AP3S1: variants seen among roughly 807,000 people sequenced by gnomAD.
AP3S1 encodes adaptor related protein complex 3 subunit sigma 1.
Under a neutral mutation model 21.3 loss-of-function variants are expected in AP3S1, and 12 were observed. The observed-to-expected ratio is 0.56, with a 90% CI of 0.36 to 0.91. AP3S1 has a LOEUF of 0.91. Ranked by LOEUF, AP3S1 falls within the 40% of genes least tolerant of loss-of-function variation. The pLI is 0.01. For synonymous variants in AP3S1, 48 were observed against 78.4 expected (o/e 0.61, Z 2.05); for missense variants, 116 against 225.0 (o/e 0.52, Z 3.10).
chr5:115,863,226 G>A (rs758614401), intron 1 of AP3S1, among the ~76,000 whole-genome samples: 11 of 151,922 alleles, frequency 7.2e-5, no homozygotes, highest in East Asian at 1.9e-4. Context: ...GTGAAACCTC[G>A]TCTCTACTAA....
intron 5 of AP3S1, among the ~76,000 whole-genome samples, chr5:115,911,933 T>A (rs1752143433): frequency 6.6e-6 from 1 of 151,956 alleles, no homozygotes; most frequent in Admixed American, 6.6e-5. Flanking sequence ...TTTAATTGGG[T>A]ATGGAGTTAT....
chr5:115,898,939 C>T (rs144903943), intron 4 of AP3S1: 6 of 152,390 alleles, frequency 3.9e-5, no homozygotes, highest in East Asian at 3.9e-4. Context: ...TGGGTGGCCC[C>T]GTGTTGTTGC....
chr5:115,875,994 C>G (rs1748680135), intron 3 of AP3S1, among the ~76,000 whole-genome samples: 1 of 152,092 alleles, frequency 6.6e-6, no homozygotes, highest in African/African-American at 2.4e-5. Flanking sequence ...AACTGCTTTT[C>G]TAATTTACAT....
intron 3 of AP3S1, among the ~76,000 whole-genome samples, chr5:115,883,871 GA>G (rs1384296610): frequency 6.6e-6 from 1 of 152,138 alleles, no homozygotes; most frequent in Non-Finnish European, 1.5e-5. Context: ...TACACAGAAA[GA>G]AATTATTCAG....
chr5:115,901,897 T>A (rs1309704601), intron 4 of AP3S1, among the ~76,000 whole-genome samples: 3 of 152,132 alleles, frequency 2.0e-5, no homozygotes, highest in Non-Finnish European at 4.4e-5. Flanking sequence ...AATTGAGTAA[T>A]ACATATTTAA....
intron 5 of AP3S1, among the ~76,000 whole-genome samples, chr5:115,910,696 C>CT (rs961320124): frequency 1.4e-4 from 21 of 150,608 alleles, no homozygotes; most frequent in South Asian, 2.1e-4. Context: ...GACATAAAGT[C>CT]TTTTTTTTTA....
chr5:115,906,807 C>T, intron 5 of AP3S1: 1 of 1,495,298 alleles, frequency 6.7e-7, no homozygotes, highest in Non-Finnish European at 8.9e-7. Flanking sequence ...TCTTTCCATT[C>T]TTCTCTCTTA....
At chr5:115,888,585 T>TA (rs1194116576) in intron 3 of AP3S1, among the ~76,000 whole-genome samples, 3 of 152,168 alleles carry the variant, frequency 2.0e-5, no homozygotes, top group African/African-American at 7.2e-5. Context: ...AACATGCAGT[T>TA]ATAATGACAT....
intron 3 of AP3S1, among the ~76,000 whole-genome samples, chr5:115,891,219 T>C (rs1382805622): frequency 6.6e-6 from 1 of 152,192 alleles, no homozygotes; most frequent in Admixed American, 6.5e-5. Context: ...GCTGACCTGT[T>C]GTAAAGGGAA....
intron 3 of AP3S1, among the ~76,000 whole-genome samples, chr5:115,874,145 T>G (rs1748507346): frequency 6.6e-6 from 1 of 152,092 alleles, no homozygotes; most frequent in Non-Finnish European, 1.5e-5. Flanking sequence ...AATGATCAGT[T>G]TTTGTTTTCT....
intron 3 of AP3S1, among the ~76,000 whole-genome samples, chr5:115,877,284 C>A (rs1238872908): frequency 6.6e-6 from 1 of 152,012 alleles, no homozygotes; most frequent in East Asian, 1.9e-4. Context: ...TTTCCTGCAC[C>A]CATCAACCCG....
chr5:115,901,839 T>G (rs950867270), intron 4 of AP3S1, among the ~76,000 whole-genome samples: 5 of 152,204 alleles, frequency 3.3e-5, no homozygotes, highest in Non-Finnish European at 5.9e-5. Flanking sequence ...TCCAGGGATA[T>G]TTTTTAAATT....
chr5:115,905,957 A>T lies in AP3S1; in HGVS notation c.453+2965A>T, dbSNP rs574817849. 1.2e-4 allele frequency among the ~76,000 whole-genome samples: 19 copies of T among 152,308 alleles called. No homozygotes were observed. In the South Asian group the frequency reaches 2.7e-3, roughly 22 times the overall value. The stretch of plus-strand genomic sequence containing the variant: ...GCTCACCTGAGGTCAGGAGTTTGAG[A>T]CCAGCCTGGCAAATATGGTGAAATC... On this transcript the variant is annotated intron_variant, in intron 5 of 5. Transcript: ENST00000316788.
chr5:115,877,055 T>C (rs1195006196), intron 3 of AP3S1, among the ~76,000 whole-genome samples: 2 of 152,202 alleles, frequency 1.3e-5, no homozygotes, highest in African/African-American at 4.8e-5. Context: ...TAATTCATCT[T>C]AATATCTATT....
intron 5 of AP3S1, chr5:115,906,765 C>CT (rs1294652162): frequency 1.7e-4 from 233 of 1,337,346 alleles, no homozygotes; most frequent in South Asian, 6.0e-4. Context: ...AGTCAGTCCT[C>CT]TTTTTTTTCC....
chr5:115,911,089 T>G (rs1348603939), intron 5 of AP3S1, among the ~76,000 whole-genome samples: 6 of 152,142 alleles, frequency 3.9e-5, no homozygotes. Context: ...ATTGCTATAT[T>G]GACTTTATGT....
intron 1 of AP3S1, among the ~76,000 whole-genome samples, chr5:115,842,911 TTTC>T (rs1159940756): frequency 6.6e-6 from 1 of 152,260 alleles, no homozygotes; most frequent in Non-Finnish European, 1.5e-5. Flanking sequence ...GTTTGGCATT[TTTC>T]CACGTATGGG....
At chr5:115,886,309 A>G (rs73253144) in intron 3 of AP3S1, among the ~76,000 whole-genome samples, 8,089 of 152,156 alleles carry the variant, frequency 0.053, 770 homozygotes, top group African/African-American at 0.19. Flanking sequence ...TAAGATAAAG[A>G]TTACACTGAG....
intron 3 of AP3S1, among the ~76,000 whole-genome samples, chr5:115,881,413 G>A (rs543721920): frequency 5.9e-5 from 9 of 152,248 alleles, no homozygotes; most frequent in African/African-American, 1.9e-4. Context: ...AAATCTCTCA[G>A]CATTTGCTTG....
Sources: allele counts gnomAD v4.1 joint callset (sites outside exome capture counted in the v4.1 genomes callset), GRCh38; gene constraint gnomAD v4.1.1; transcripts MANE v1.5; gene names NCBI Gene and HGNC (gene_info 2026-07-23, HGNC 2026-07-21).